The following UMAD1 variants were observed in gnomAD, a reference collection of about 807,000 sequenced individuals.
The protein encoded by UMAD1 is UBAP1-MVB12-associated (UMA)-domain containing protein 1.
In UMAD1, 8 loss-of-function variants were observed where a neutral mutation model predicts 6.1. That is an observed-to-expected ratio of 1.30 (90% confidence interval 0.76 to 2.35). UMAD1 has a LOEUF of 2.35. UMAD1 is among the 30% of genes most tolerant of loss of function. The pLI, the probability that UMAD1 is intolerant of heterozygous loss-of-function variation, is 0.00. For missense variants in UMAD1, 130 were observed against 78.4 expected, an observed-to-expected ratio of 1.66 and a Z score of -2.49; for synonymous variants, 56 against 31.4, an observed-to-expected ratio of 1.78 and a Z score of -2.61.
intron 1 of UMAD1, among the ~76,000 whole-genome samples, chr7:7,645,982 G>A (rs67320211): frequency 0.3 from 46,165 of 152,002 alleles, 8,971 homozygotes; most frequent in East Asian, 0.79. Flanking sequence ...CGGCTGCCGT[G>A]TACTCAAACC....
At chr7:7,837,444 T>A (rs1783591888) in intron 3 of UMAD1, among the ~76,000 whole-genome samples, 1 of 152,122 alleles carries the variant, frequency 6.6e-6, no homozygotes, top group Non-Finnish European at 1.5e-5. Flanking sequence ...ATGTAATGGC[T>A]TATAGCCAAC....
chr7:7,718,418 A>G (rs902766442), intron 2 of UMAD1: 22 of 152,240 alleles, frequency 1.4e-4, no homozygotes, highest in Admixed American at 3.9e-4. Flanking sequence ...GTAAAAATGC[A>G]TAATCTAAAC....
At chr7:7,706,706 G>A (rs889658871) in intron 2 of UMAD1, among the ~76,000 whole-genome samples, 3 of 152,154 alleles carry the variant, frequency 2.0e-5, no homozygotes, top group Non-Finnish European at 4.4e-5. Flanking sequence ...AAAACAAAGT[G>A]TCGATGAGGT....
intron 2 of UMAD1, among the ~76,000 whole-genome samples, chr7:7,677,292 A>T (rs1448719555): frequency 6.6e-6 from 1 of 152,154 alleles, no homozygotes; most frequent in Non-Finnish European, 1.5e-5. Flanking sequence ...ATATACAATA[A>T]ATTATTGTTA....
At chr7:7,847,598 T>C (rs556747773) in intron 3 of UMAD1, among the ~76,000 whole-genome samples, 6 of 152,226 alleles carry the variant, frequency 3.9e-5, no homozygotes, top group African/African-American at 1.4e-4. Flanking sequence ...CATTGCATGT[T>C]ACTCCCCCTT....
At chr7:7,730,646 A>C (rs1345051694) in intron 2 of UMAD1, among the ~76,000 whole-genome samples, 1 of 152,184 alleles carries the variant, frequency 6.6e-6, no homozygotes, top group Non-Finnish European at 1.5e-5. Flanking sequence ...AGATGAGCTT[A>C]GTGGCTAGGT....
chr7:7,851,313 GA>G (rs916126410), intron 3 of UMAD1, among the ~76,000 whole-genome samples: 1 of 152,090 alleles, frequency 6.6e-6, no homozygotes, highest in African/African-American at 2.4e-5. Flanking sequence ...ATCAGTCTAT[GA>G]ATATTTGAGT....
At chr7:7,850,611 T>G (rs1197615456) in intron 3 of UMAD1, among the ~76,000 whole-genome samples, 1 of 152,146 alleles carries the variant, frequency 6.6e-6, no homozygotes, top group Non-Finnish European at 1.5e-5. Flanking sequence ...TGACTTATTA[T>G]TTTAATTATT....
chr7:7,706,591 A>G (rs76820099), intron 2 of UMAD1, among the ~76,000 whole-genome samples: 207 of 152,326 alleles, frequency 1.4e-3, no homozygotes, highest in African/African-American at 4.9e-3. Flanking sequence ...TAAGTAACCC[A>G]TCCAAAGGCA....
chr7:7,803,563 G>A (rs1782845952), intron 3 of UMAD1, among the ~76,000 whole-genome samples: 1 of 152,184 alleles, frequency 6.6e-6, no homozygotes, highest in Non-Finnish European at 1.5e-5. Context: ...GTTGCTTAGT[G>A]TCTTCTTTTA....
chr7:7,822,527 TGA>T (rs751038016), intron 3 of UMAD1, among the ~76,000 whole-genome samples: 18 of 152,260 alleles, frequency 1.2e-4, no homozygotes, highest in Middle Eastern at 3.4e-3. Context: ...TTTCTTCAGC[TGA>T]TATGCATGCA....
intron 2 of UMAD1, among the ~76,000 whole-genome samples, chr7:7,785,895 C>G (rs1194198376): frequency 2.0e-5 from 3 of 152,178 alleles, no homozygotes; most frequent in East Asian, 1.9e-4. Flanking sequence ...TGAGATGTAT[C>G]TATCAATATA....
At chr7:7,704,039 G>C (rs1157717755) in intron 2 of UMAD1, among the ~76,000 whole-genome samples, 1 of 152,146 alleles carries the variant, frequency 6.6e-6, no homozygotes, top group East Asian at 1.9e-4. Flanking sequence ...AGTTCTCAAG[G>C]AGATACTTTG....
chr7:7,666,406 C>G (rs1193794231), intron 1 of UMAD1, among the ~76,000 whole-genome samples: 1 of 152,018 alleles, frequency 6.6e-6, no homozygotes, highest in East Asian at 1.9e-4. Flanking sequence ...TGGGGTTTTG[C>G]CACGTTGCCC....
intron 2 of UMAD1, among the ~76,000 whole-genome samples, chr7:7,773,976 T>C (rs1004137984): frequency 1.3e-4 from 20 of 152,230 alleles, no homozygotes; most frequent in Non-Finnish European, 1.5e-5. Flanking sequence ...GGCGGCTCTC[T>C]ACTGATTTCT....
At chr7:7,703,554 G>A (rs1436950352) in intron 2 of UMAD1, among the ~76,000 whole-genome samples, 1 of 152,138 alleles carries the variant, frequency 6.6e-6, no homozygotes, top group African/African-American at 2.4e-5. Flanking sequence ...CCTGACTCAG[G>A]TTTCAGACAA....
At chr7:7,721,631 A>T (rs1221701238) in intron 2 of UMAD1, among the ~76,000 whole-genome samples, 1 of 152,218 alleles carries the variant, frequency 6.6e-6, no homozygotes, top group Non-Finnish European at 1.5e-5. Flanking sequence ...CTTCCACCCC[A>T]GGAAAGATCT....
At chr7:7,843,999 CAA>C (rs781190684) in intron 3 of UMAD1, among the ~76,000 whole-genome samples, 1 of 152,216 alleles carries the variant, frequency 6.6e-6, no homozygotes, top group Non-Finnish European at 1.5e-5. Context: ...TGGTTTATGA[CAA>C]AGTGTTCCTT....
intron 2 of UMAD1, among the ~76,000 whole-genome samples, chr7:7,792,092 C>G (rs1181402603): frequency 6.6e-6 from 1 of 152,194 alleles, no homozygotes; most frequent in Admixed American, 6.5e-5. Context: ...ATTGAGCATT[C>G]ACTTTGCATG....
Sources: allele counts gnomAD v4.1 joint callset (sites outside exome capture counted in the v4.1 genomes callset), GRCh38; gene constraint gnomAD v4.1.1; transcripts MANE v1.5; gene names NCBI Gene and HGNC (gene_info 2026-07-23, HGNC 2026-07-21).